DISP1: variants seen among roughly 807,000 people sequenced by gnomAD.
DISP1 encodes the protein dispatched RND transporter family member 1.
DISP1 carries 30 observed loss-of-function variants against 37.3 expected under a neutral mutation model. That is an observed-to-expected ratio of 0.80 (90% CI 0.60 to 1.09). DISP1 has a LOEUF of 1.09. Among genes scored for constraint, DISP1 ranks in the 50% least tolerant of loss-of-function variants. The pLI is 0.00. For synonymous variants in DISP1, 634 were observed against 690.2 expected, an observed-to-expected ratio of 0.92 and a Z score of 1.28; for missense variants, 1,598 against 1,879.5, an observed-to-expected ratio of 0.85 and a Z score of 2.77.
In DISP1 at chr1:222,936,677, A is replaced by C. The variant is rs57995298; in HGVS notation, c.-17-6130A>C. 7.0e-4 allele frequency among the ~76,000 whole-genome samples: 75 copies of C among 106,808 alleles called. 1 individual carries two copies. Among genetic ancestry groups the C allele is most frequent in the African/African-American group, 2.4e-3 (63 of 26,304 alleles). 70.1% of individuals were successfully genotyped at this position (106,808 alleles called of 152,430 possible). On this transcript the variant is annotated intron_variant, in intron 2 of 8. Coordinates refer to ENST00000675850, the MANE Select transcript of DISP1 (RefSeq NM_001377229.1). ...TCTCTCATATATATGAGGTATATAT[A>C]ATATATAAAATATATGATATATATC...
In DISP1 at chr1:223,004,212, A is replaced by G. The variant is rs1420005163; in HGVS notation, c.2815A>G (p.Lys939Glu). The stretch of plus-strand genomic sequence containing the variant: ...CTACCTCTTCACACTGGCTTATGAA[A>G]AGATGCATCAGTTTTATAAAGAGGT... ...STYLFTLAYE[K>E]MHQFYKEVDS... Residue 939 changes from lysine to glutamate, a missense_variant, in exon 9 of 9, where the codon AAG becomes GAG. By Grantham distance (56) the Lys-to-Glu change is moderately conservative. Coordinates refer to ENST00000675850, the MANE Select transcript of DISP1 (RefSeq NM_001377229.1). The surrounding 1 kb of genome is among the most constrained non-coding windows in gnomAD (Gnocchi z 4.9). The G allele has an allele frequency of 1.7e-5, 28 of 1,614,026 alleles. No homozygotes were observed. Among genetic ancestry groups the G allele is most frequent in the Non-Finnish European group, 2.3e-5 (27 of 1,180,034 alleles).
At chr1:222,991,786 C>T in intron 6 of DISP1, 139 bp downstream of exon 6, 1 of 1,052,158 alleles carries the variant, frequency 9.5e-7, no homozygotes, top group Non-Finnish European at 1.4e-6. Context: ...CTTAACTTGT[C>T]ATTGTGTTTG....
At chr1:222,825,958 G>A (rs1664277300) in intron 1 of DISP1, among the ~76,000 whole-genome samples, 1 of 152,220 alleles carries the variant, frequency 6.6e-6, no homozygotes, top group Non-Finnish European at 1.5e-5. Context: ...CTGGAGTGCA[G>A]TGGTGAGATC....
intron 1 of DISP1, among the ~76,000 whole-genome samples, chr1:222,894,532 G>C (rs1165103938): frequency 6.6e-6 from 1 of 152,252 alleles, no homozygotes; most frequent in Non-Finnish European, 1.5e-5. Context: ...CCAAATCAGA[G>C]CGAGTGCTGG....
chr1:222,961,781 G>T (rs1297913227), intron 3 of DISP1, among the ~76,000 whole-genome samples: 1 of 152,214 alleles, frequency 6.6e-6, no homozygotes, highest in Non-Finnish European at 1.5e-5. Flanking sequence ...GCCGAGGCGG[G>T]TGGATCACGA....
intron 1 of DISP1, among the ~76,000 whole-genome samples, chr1:222,819,708 T>C (rs1056520254): frequency 2.6e-5 from 4 of 151,946 alleles, no homozygotes; most frequent in African/African-American, 9.7e-5. Context: ...GCCTGACTAA[T>C]TTTTGTGTTT....
At position 222,942,813 on chromosome 1, in the gene DISP1, G is replaced by A. The variant is rs1437835098; in HGVS notation, c.-11G>A. ...TTATGATTTTCTTACTTAGAGTCAA[G>A]AAATTGGAGCATGGCTATGAGCAAT... is the stretch of plus-strand genomic sequence containing the variant. On this transcript the variant is annotated 5_prime_UTR_variant, in exon 3 of 9. Coordinates refer to ENST00000675850, the MANE Select transcript of DISP1 (RefSeq NM_001377229.1). The A allele has an allele frequency of 6.2e-7, 1 of 1,614,110 alleles. No individual in the cohort carries two copies. Among genetic ancestry groups the A allele is most frequent in the South Asian group, 1.1e-5 (1 of 91,080 alleles).
intron 1 of DISP1, among the ~76,000 whole-genome samples, chr1:222,901,774 G>T (rs921999223): frequency 6.6e-6 from 1 of 152,160 alleles, no homozygotes; most frequent in South Asian, 2.1e-4. Context: ...TGATCCACCT[G>T]CCTTGGCCTC....
At chr1:222,847,628 C>T (rs1436226322) in intron 1 of DISP1, among the ~76,000 whole-genome samples, 2 of 151,988 alleles carry the variant, frequency 1.3e-5, no homozygotes, top group Non-Finnish European at 2.9e-5. Context: ...TTTTCCCTTT[C>T]CTTGTTTGCA....
At chr1:222,901,620 C>T (rs369828731) in intron 1 of DISP1, among the ~76,000 whole-genome samples, 1 of 152,104 alleles carries the variant, frequency 6.6e-6, no homozygotes, top group South Asian at 2.1e-4. Flanking sequence ...CTCTACCTCT[C>T]GGATTCAAGC....
chr1:222,857,738 C>A, intron 1 of DISP1, among the ~76,000 whole-genome samples: 1 of 152,064 alleles, frequency 6.6e-6, no homozygotes, highest in Middle Eastern at 3.2e-3. Flanking sequence ...AAGTAAAGGA[C>A]CTCTTCAAGG....
At chr1:223,001,308 G>A (rs1257771318) in intron 8 of DISP1, among the ~76,000 whole-genome samples, 2 of 152,078 alleles carry the variant, frequency 1.3e-5, no homozygotes. Flanking sequence ...TTGCCAATTT[G>A]AATAAACTTT....
chr1:222,819,972 T>G (rs1291630514), intron 1 of DISP1, among the ~76,000 whole-genome samples: 1 of 152,244 alleles, frequency 6.6e-6, no homozygotes, highest in Non-Finnish European at 1.5e-5. Context: ...AGTTTTGTGC[T>G]TATTTAGCCT....
intron 3 of DISP1, among the ~76,000 whole-genome samples, chr1:222,964,010 A>G (rs1676268963): frequency 6.6e-6 from 1 of 152,068 alleles, no homozygotes; most frequent in Admixed American, 6.5e-5. Context: ...AATTATCTTG[A>G]TCCTTAATTA....
chr1:222,999,450 T>C (rs1292258381), intron 8 of DISP1, among the ~76,000 whole-genome samples: 2 of 152,192 alleles, frequency 1.3e-5, no homozygotes, highest in African/African-American at 4.8e-5. Context: ...ATATAATACA[T>C]GCTTCTGTGT....
At chr1:222,849,068 G>A (rs35467168) in intron 1 of DISP1, among the ~76,000 whole-genome samples, 21,723 of 152,030 alleles carry the variant, frequency 0.14, 1,739 homozygotes, top group East Asian at 0.31. Flanking sequence ...GTGAATGTGT[G>A]TATACTACAT....
chr1:222,991,509 T>A lies in DISP1; in HGVS notation c.664-11T>A. ...GAAATATACTAATGAGCACCTGTAA[T>A]TTTGCCTTAGGGTTTTGAACCAAGA... On this transcript the variant is annotated splice_polypyrimidine_tract_variant and intron_variant, in intron 5 of 8. Coordinates refer to ENST00000675850, the MANE Select transcript of DISP1 (RefSeq NM_001377229.1). 1 of 1,613,690 alleles carries A rather than the reference T, an allele frequency of 6.2e-7. No individual in the cohort carries two copies. Among genetic ancestry groups the A allele is most frequent in the Non-Finnish European group, 8.5e-7 (1 of 1,179,726 alleles).
intron 3 of DISP1, among the ~76,000 whole-genome samples, chr1:222,981,456 C>T (rs559741607): frequency 2.0e-5 from 3 of 152,304 alleles, no homozygotes; most frequent in Admixed American, 6.5e-5. Flanking sequence ...GAATCCATAA[C>T]GAGGGCATGT....
intron 1 of DISP1, among the ~76,000 whole-genome samples, chr1:222,913,483 T>C (rs1177541654): frequency 6.6e-6 from 1 of 152,198 alleles, no homozygotes; most frequent in Non-Finnish European, 1.5e-5. Flanking sequence ...CTTATAATCA[T>C]TCTTCTATTT....
Sources: gnomAD v4.1 joint callset for allele counts (sites outside exome capture counted in the v4.1 genomes callset) on GRCh38, gnomAD v4.1.1 for gene constraint, Gnocchi (gnomAD v3.1) non-coding constraint, MANE v1.5 for transcripts, NCBI Gene and HGNC (gene_info 2026-07-23, HGNC 2026-07-21) for gene names.